Variants in RFX7 observed in about 807,000 individuals in gnomAD.
RFX7 encodes the protein regulatory factor X7, also known as DNA-binding protein RFX7.
In RFX7, 26 loss-of-function variants were observed where a neutral mutation model predicts 111.8. The observed-to-expected ratio is 0.23, with a 90% CI of 0.17 to 0.32. RFX7 has a LOEUF of 0.32. Among genes scored for constraint, RFX7 ranks in the 10% least tolerant of loss-of-function variants. RFX7 has a pLI of 1.00. For missense variants in RFX7, 1,573 were observed against 1,772.9 expected (o/e 0.89, Z 2.02); for synonymous variants, 624 against 624.4 (o/e 1.00, Z 0.01).
At chr15:56,239,784 A>G (rs558127952) in intron 2 of RFX7, among the ~76,000 whole-genome samples, 42 of 152,250 alleles carry the variant, frequency 2.8e-4, no homozygotes, top group African/African-American at 9.4e-4. Context: ...TATGATCTCA[A>G]TTCACAAACA....
chr15:56,229,676 G>A (rs1442698186), intron 2 of RFX7, among the ~76,000 whole-genome samples: 3 of 152,192 alleles, frequency 2.0e-5, no homozygotes, highest in Non-Finnish European at 2.9e-5. Flanking sequence ...AGCAATTCTG[G>A]GTTGGGGGAG....
intron 5 of RFX7, among the ~76,000 whole-genome samples, chr15:56,130,719 G>A (rs773588109): frequency 2.6e-5 from 4 of 151,684 alleles, no homozygotes; most frequent in Non-Finnish European, 5.9e-5. Flanking sequence ...AAACATATCA[G>A]ATTTTACTTG....
intron 5 of RFX7, among the ~76,000 whole-genome samples, chr15:56,140,485 T>C (rs1392938757): frequency 1.5e-4 from 23 of 152,314 alleles, no homozygotes; most frequent in Admixed American, 1.4e-3. Context: ...TGGCGCACGG[T>C]GCACGCACCC....
At position 56,197,994 on chromosome 15, in the gene RFX7, G is replaced by A. The variant is rs1235652437; in HGVS notation, c.162-18691C>T. On this transcript the variant is annotated intron_variant, in intron 2 of 9. Coordinates refer to ENST00000559447, the MANE Select transcript of RFX7 (RefSeq NM_022841.7). ...ATCATTTATTAAGTCTTTGCAGAAT[G>A]TTCAAGAAAGCCTAGGTACAAAAAG... is the stretch of plus-strand genomic sequence containing the variant. Among the ~76,000 whole-genome samples the A allele has an allele frequency of 2.0e-5, 3 of 152,142 alleles. 1 individual carries two copies. Among genetic ancestry groups the A allele is most frequent in the Non-Finnish European group, 4.4e-5 (3 of 68,022 alleles).
Position 56,093,552 on chromosome 15 carries a change from G to T in RFX7, c.4176C>A (p.Gly1392=). 6.2e-7 allele frequency: 1 copy of T among 1,613,806 alleles called. No individual in the cohort carries two copies. Among genetic ancestry groups the T allele is most frequent in the Non-Finnish European group, 8.5e-7 (1 of 1,179,768 alleles). Residue 1392 remains glycine (G), a synonymous_variant, in exon 10 of 10, where the codon GGC becomes GGA. Transcript: ENST00000559447. ...CTAAAGTGTTCAAATCATTGATGCTGCCTGAGAGCTCAGAAGACAACCTGA... is the reference window on the plus strand; with the variant it reads ...CTAAAGTGTTCAAATCATTGATGCTTCCTGAGAGCTCAGAAGACAACCTGA... ...SDIRLSSELS[G]SINDLNTLDP...
intron 2 of RFX7, among the ~76,000 whole-genome samples, chr15:56,201,108 T>C (rs2043189781): frequency 1.3e-5 from 2 of 152,214 alleles, no homozygotes; most frequent in South Asian, 4.1e-4. Flanking sequence ...ACTATACCAG[T>C]GTCTCATATA....
rs1288724317 is a variant in RFX7, at chr15:56,208,151, G to A, written c.162-28848C>T. On this transcript the variant is annotated intron_variant, in intron 2 of 9. Transcript: ENST00000559447. ...AGATAACTTTCATGCCTTAGACAAGGGAAGGAGAAAAGGAATCATTGTGAA... is the reference window on the plus strand; with the variant it reads ...AGATAACTTTCATGCCTTAGACAAGAGAAGGAGAAAAGGAATCATTGTGAA... 3.9e-5 allele frequency among the ~76,000 whole-genome samples: 6 copies of A among 152,260 alleles called. No individual in the cohort carries two copies. In the East Asian group the frequency reaches 1.2e-3, roughly 29 times the overall value.
chr15:56,094,239 T>A lies in RFX7; in HGVS notation c.3489A>T (p.Arg1163Ser). The A allele has an allele frequency of 6.2e-7, 1 of 1,613,972 alleles. No individual in the cohort carries two copies. The highest frequency in any genetic ancestry group is 1.1e-5 in the South Asian group (1 of 91,084). ...GTNSSASSNF[R>S]CRSVSPAVHR... ...GAACAGCAGGGCTCACACTCCGGCA[T>A]CTGAAGTTGCTGCTGGCAGATGAAT... The change falls in exon 10 of 10, where the codon AGA becomes AGT. Residue 1163 changes from arginine (R) to serine (S), a missense_variant. Around this residue, in one of 7 missense-constraint regions of RFX7, gnomAD observed 411 missense variants for 478.1 expected, o/e 0.86. Transcript: ENST00000559447.
intron 2 of RFX7, among the ~76,000 whole-genome samples, chr15:56,223,102 A>G (rs1430091407): frequency 6.6e-6 from 1 of 152,168 alleles, no homozygotes; most frequent in African/African-American, 2.4e-5. Context: ...AGACCTCTCC[A>G]ATTTAGCTGT....
chr15:56,190,353 T>C (rs1270799520), intron 2 of RFX7, among the ~76,000 whole-genome samples: 1 of 152,184 alleles, frequency 6.6e-6, no homozygotes, highest in Non-Finnish European at 1.5e-5. Flanking sequence ...GTATGATTGC[T>C]TAGGCTGAAG....
chr15:56,233,776 C>A (rs1196521181), intron 2 of RFX7, among the ~76,000 whole-genome samples: 1 of 152,142 alleles, frequency 6.6e-6, no homozygotes, highest in Non-Finnish European at 1.5e-5. Context: ...GTTGTGGCAA[C>A]CTGTACTCTG....
intron 2 of RFX7, among the ~76,000 whole-genome samples, chr15:56,198,120 A>C (rs1218381344): frequency 6.6e-6 from 1 of 152,124 alleles, no homozygotes; most frequent in Admixed American, 6.6e-5. Flanking sequence ...GATGGGAAAA[A>C]CTTTTTTAGA....
intron 3 of RFX7, among the ~76,000 whole-genome samples, 190 bp from the exon 4 acceptor site, chr15:56,144,673 A>C (rs1186719767): frequency 6.6e-6 from 1 of 152,158 alleles, no homozygotes; most frequent in Non-Finnish European, 1.5e-5. Flanking sequence ...CAAAAATTTA[A>C]TAAAAGAAAA....
chr15:56,158,420 A>G (rs528998528), intron 3 of RFX7, among the ~76,000 whole-genome samples: 2 of 152,332 alleles, frequency 1.3e-5, no homozygotes, highest in African/African-American at 4.8e-5. Context: ...TTGGCAGAAG[A>G]GTTTATAATT....
At position 56,090,557 on chromosome 15, in the gene RFX7, A is replaced by C. The variant is rs1462256459; in HGVS notation, c.*2788T>G. On this transcript the variant is annotated 3_prime_UTR_variant, in exon 10 of 10. Coordinates refer to ENST00000559447, the MANE Select transcript of RFX7 (RefSeq NM_022841.7). ...GTCAGTTTAATATAAAATGTTTTTAATTGTTTTTGAAAACATTTAAAAAAC... is the reference window on the plus strand; with the variant it reads ...GTCAGTTTAATATAAAATGTTTTTACTTGTTTTTGAAAACATTTAAAAAAC... The C allele has an allele frequency of 6.6e-6, 1 of 152,614 alleles. No homozygotes were observed. The allele number at this position is 152,614 out of a possible 1,614,324, so 9.5% of individuals were successfully genotyped here.
intron 5 of RFX7, among the ~76,000 whole-genome samples, chr15:56,124,358 C>A (rs547933726): frequency 4.6e-5 from 7 of 151,318 alleles, no homozygotes. Flanking sequence ...GGAGGCGGAG[C>A]TTGCAGTGAG....
rs2041613734 is a variant in RFX7 at position 56,092,804 on chromosome 15, T to C, written c.*541A>G. 1 of 152,786 alleles carries C rather than the reference T, an allele frequency of 6.5e-6. No homozygotes were observed. The highest frequency in any genetic ancestry group is 1.5e-5 in the Non-Finnish European group (1 of 68,060). 9.5% of individuals were successfully genotyped at this position (152,786 alleles called of 1,614,324 possible). A position where few individuals can be genotyped will look rare whatever the true frequency, so the allele number is the denominator to read the frequency against. ...TTAAGCCCTTCATCGTGGGTGTAAA[T>C]GGTACTGAAGCCCCAGAAAGTCCTA... On this transcript the variant is annotated 3_prime_UTR_variant, in exon 10 of 10. Coordinates refer to ENST00000559447, the MANE Select transcript of RFX7 (RefSeq NM_022841.7).
At chr15:56,180,526 G>A (rs1277096556) in intron 2 of RFX7, among the ~76,000 whole-genome samples, 1 of 152,084 alleles carries the variant, frequency 6.6e-6, no homozygotes, top group African/African-American at 2.4e-5. Flanking sequence ...TTTCCTCTGA[G>A]ATGTGAGAGT....
chr15:56,171,838 TAA>T (rs1280098638), intron 3 of RFX7, among the ~76,000 whole-genome samples: 1 of 152,148 alleles, frequency 6.6e-6, no homozygotes, highest in Non-Finnish European at 1.5e-5. Flanking sequence ...GATCAGCTGA[TAA>T]AGAGTTGGAT....
Sources: allele counts gnomAD v4.1 joint callset (sites outside exome capture counted in the v4.1 genomes callset), GRCh38; gene constraint gnomAD v4.1.1; regional missense constraint gnomAD v4.1.1; transcripts MANE v1.5; gene names NCBI Gene and HGNC (gene_info 2026-07-23, HGNC 2026-07-21).